The following ADGRL2 variants were observed in gnomAD, a reference collection of about 807,000 sequenced individuals.
The protein encoded by ADGRL2 is calcium-independent alpha-latrotoxin receptor 2.
Under a neutral mutation model 157.4 loss-of-function variants are expected in ADGRL2, and 44 were observed. The observed-to-expected ratio is 0.28, with a 90% CI of 0.22 to 0.36. The LOEUF is 0.36. Among genes scored for constraint, ADGRL2 ranks in the 10% least tolerant of loss-of-function variants. ADGRL2 has a pLI of 1.00. For missense variants in ADGRL2, 1,510 were observed against 1,768.9 expected (o/e 0.85, Z 2.63); for synonymous variants, 585 against 624.7 (o/e 0.94, Z 0.95).
intron 2 of ADGRL2, among the ~76,000 whole-genome samples, chr1:81,462,107 CACCAATCAGCATTCTGTAAAAATGG>C (rs1294409580): frequency 3.9e-5 from 6 of 152,112 alleles, no homozygotes; most frequent in African/African-American, 1.4e-4. Context: ...ATTGTAAACA[CACCAATCAGCATTCTGTAAAAATGG>C]ACCAATCAGC....
chr1:81,731,961 A>T (rs1467823914), intron 1 of ADGRL2, among the ~76,000 whole-genome samples: 1 of 152,172 alleles, frequency 6.6e-6, no homozygotes, highest in African/African-American at 2.4e-5. Flanking sequence ...TGCTATCCAA[A>T]CATTGTTCCA....
intron 3 of ADGRL2, among the ~76,000 whole-genome samples, chr1:81,593,209 C>T (rs2081167376): frequency 6.6e-6 from 1 of 152,126 alleles, no homozygotes; most frequent in Non-Finnish European, 1.5e-5. Flanking sequence ...GGAGCAATTA[C>T]AAGAAATATG....
chr1:81,432,047 T>C (rs1010190920), intron 1 of ADGRL2, among the ~76,000 whole-genome samples: 3 of 152,216 alleles, frequency 2.0e-5, no homozygotes, highest in African/African-American at 7.2e-5. Flanking sequence ...AAATTGTTCT[T>C]CAACAAATAA....
At chr1:81,570,744 A>C (rs1174678620) in intron 2 of ADGRL2, among the ~76,000 whole-genome samples, 5 of 152,188 alleles carry the variant, frequency 3.3e-5, no homozygotes, top group Admixed American at 6.5e-5. Context: ...TCATATTCAA[A>C]TATAGAAACA....
At chr1:81,498,699 G>T (rs1021560884) in intron 2 of ADGRL2, among the ~76,000 whole-genome samples, 1 of 152,088 alleles carries the variant, frequency 6.6e-6, no homozygotes, top group African/African-American at 2.4e-5. Context: ...TGTGACTAGT[G>T]CTGTTTTCAG....
At chr1:81,316,142 A>AC (rs1291311470) in intron 1 of ADGRL2, among the ~76,000 whole-genome samples, 1 of 134,070 alleles carries the variant, frequency 7.5e-6, no homozygotes, top group Non-Finnish European at 1.6e-5. Flanking sequence ...AAAAAAAAAA[A>AC]GAAAAAAGAA....
At chr1:81,434,954 T>G (rs999430713) in intron 1 of ADGRL2, among the ~76,000 whole-genome samples, 1 of 152,178 alleles carries the variant, frequency 6.6e-6, no homozygotes, top group Non-Finnish European at 1.5e-5. Context: ...GAGAATTAAA[T>G]ACAGCTGACA....
At chr1:81,720,795 C>CCTATATATATAACCTATATATA (rs1350142792) in intron 1 of ADGRL2, among the ~76,000 whole-genome samples, 8 of 151,616 alleles carry the variant, frequency 5.3e-5, no homozygotes, top group African/African-American at 1.7e-4. Flanking sequence ...TATTATATAA[C>CCTATATATATAACCTATATATA]ACCTATATAT....
intron 1 of ADGRL2, among the ~76,000 whole-genome samples, chr1:81,412,725 T>TAGA (rs2076967812): frequency 6.6e-6 from 1 of 152,140 alleles, no homozygotes; most frequent in African/African-American, 2.4e-5. Flanking sequence ...AGATGGATAA[T>TAGA]TGGGTGAAGG....
chr1:81,353,192 C>T (rs1663038221), intron 1 of ADGRL2, among the ~76,000 whole-genome samples: 3 of 149,600 alleles, frequency 2.0e-5, no homozygotes, highest in East Asian at 3.9e-4. Flanking sequence ...GTAGGCACTT[C>T]CCATACTGCC....
intron 2 of ADGRL2, among the ~76,000 whole-genome samples, chr1:81,530,108 T>C (rs866708802): frequency 6.6e-6 from 1 of 152,142 alleles, no homozygotes; most frequent in Non-Finnish European, 1.5e-5. Context: ...ATTAAATACT[T>C]ATAGATCACT....
chr1:81,751,189 C>T (rs2085478326), intron 1 of ADGRL2, among the ~76,000 whole-genome samples: 1 of 152,066 alleles, frequency 6.6e-6, no homozygotes, highest in Admixed American at 6.6e-5. Context: ...ACAGTAACAG[C>T]AGATTATAAT....
At chr1:81,975,663 A>G (rs1335046597) in intron 17 of ADGRL2, among the ~76,000 whole-genome samples, 1 of 151,974 alleles carries the variant, frequency 6.6e-6, no homozygotes, top group Non-Finnish European at 1.5e-5. Context: ...GGAGAAGGGG[A>G]AAGCACAGAA....
chr1:81,602,242 TTGA>T (rs2081346861), intron 3 of ADGRL2, among the ~76,000 whole-genome samples: 4 of 151,950 alleles, frequency 2.6e-5, no homozygotes, highest in Non-Finnish European at 5.9e-5. Flanking sequence ...GGTGGATCGC[TTGA>T]GGTCAGGAGT....
At chr1:81,910,928 CT>C (rs1048482529) in intron 3 of ADGRL2, among the ~76,000 whole-genome samples, 213 of 144,116 alleles carry the variant, frequency 1.5e-3, no homozygotes, top group Middle Eastern at 3.6e-3. Context: ...GCCCCCCTTC[CT>C]TTTTTTTTTT....
chr1:81,826,276 T>G (rs1329113304), intron 1 of ADGRL2, among the ~76,000 whole-genome samples: 1 of 152,246 alleles, frequency 6.6e-6, no homozygotes, highest in Non-Finnish European at 1.5e-5. Flanking sequence ...TTATTATAAG[T>G]TAGCAATTGA....
chr1:81,598,805 T>C (rs1043616104), intron 3 of ADGRL2, among the ~76,000 whole-genome samples: 2 of 152,256 alleles, frequency 1.3e-5, no homozygotes, highest in African/African-American at 4.8e-5. Context: ...GATGTGAAGG[T>C]ATTCTTGTGG....
intron 1 of ADGRL2, among the ~76,000 whole-genome samples, chr1:81,391,399 C>T (rs1370381048): frequency 1.3e-5 from 2 of 152,300 alleles, no homozygotes; most frequent in African/African-American, 2.4e-5. Flanking sequence ...AGAGCTGCTG[C>T]TCTCTCTACC....
Position 81,907,047 on chromosome 1 carries a change from T to C in ADGRL2, c.104T>C (p.Leu35Pro). 4 of 1,614,104 alleles carry C rather than the reference T, an allele frequency of 2.5e-6. No homozygotes were observed. Among genetic ancestry groups the C allele is most frequent in the African/African-American group, 1.3e-5 (1 of 75,042 alleles). ...GFSRAALPFG[L>P]VRRELSCEGY... ...AGCAGAGCAGCTTTACCATTTGGGC[T>C]GGTGAGGCGAGAATTATCCTGTGAA... The change falls in exon 3 of 24, where the codon CTG becomes CCG. Residue 35 changes from leucine (L) to proline (P), a missense_variant. Leu to Pro is a moderately conservative substitution (Grantham distance 98). Transcript: ENST00000686636.
Sources: gnomAD v4.1 joint callset for allele counts (sites outside exome capture counted in the v4.1 genomes callset) on GRCh38, gnomAD v4.1.1 for gene constraint, MANE v1.5 for transcripts, NCBI Gene and HGNC (gene_info 2026-07-23, HGNC 2026-07-21) for gene names.